NAALADL2: variants seen among roughly 807,000 people sequenced by gnomAD.
The protein encoded by NAALADL2 is N-acetylated alpha-linked acidic dipeptidase like 2.
In NAALADL2, 76 loss-of-function variants were observed where a neutral mutation model predicts 87.2. That is an observed-to-expected ratio of 0.87 (90% CI 0.72 to 1.05). The LOEUF (loss-of-function observed/expected upper bound fraction) is 1.05. NAALADL2 is among the 50% of genes least tolerant of loss of function. The pLI is 0.00. For missense variants in NAALADL2, 1,089 were observed against 945.8 expected, an observed-to-expected ratio of 1.15 and a Z score of -1.99; for synonymous variants, 354 against 331.0, an observed-to-expected ratio of 1.07 and a Z score of -0.75.
At chr3:175,267,242 A>T (rs950337173) in intron 4 of NAALADL2, among the ~76,000 whole-genome samples, 3 of 152,088 alleles carry the variant, frequency 2.0e-5, no homozygotes, top group Non-Finnish European at 2.9e-5. Context: ...CTTATTATGA[A>T]TCACTAAATA....
At chr3:174,832,125 T>C (rs1433981273) in intron 3 of NAALADL2, among the ~76,000 whole-genome samples, 1 of 152,138 alleles carries the variant, frequency 6.6e-6, no homozygotes, top group Non-Finnish European at 1.5e-5. Context: ...CTGCTCTGAT[T>C]TTAGTTATTT....
intron 2 of NAALADL2, among the ~76,000 whole-genome samples, chr3:174,702,553 G>C (rs1729657939): frequency 6.6e-6 from 1 of 152,154 alleles, no homozygotes; most frequent in Non-Finnish European, 1.5e-5. Flanking sequence ...AGGCAATTTT[G>C]TTATTATGCG....
chr3:175,532,575 G>A (rs1233842953), intron 9 of NAALADL2, among the ~76,000 whole-genome samples: 1 of 152,144 alleles, frequency 6.6e-6, no homozygotes, highest in East Asian at 1.9e-4. Context: ...GAATGCAGTA[G>A]GCTGCCTATC....
At chr3:175,560,274 A>G (rs1226964872) in intron 9 of NAALADL2, among the ~76,000 whole-genome samples, 2 of 151,988 alleles carry the variant, frequency 1.3e-5, no homozygotes, top group Non-Finnish European at 2.9e-5. Context: ...TATTAGTTAT[A>G]ATGTCTCCTT....
intron 3 of NAALADL2, among the ~76,000 whole-genome samples, chr3:174,822,068 G>A (rs1032720802): frequency 2.0e-5 from 3 of 152,214 alleles, no homozygotes; most frequent in Admixed American, 2.0e-4. Context: ...GAAGCATAGG[G>A]ATATCAAAGT....
chr3:175,193,595 C>G (rs554244295), intron 2 of NAALADL2, among the ~76,000 whole-genome samples: 2 of 151,870 alleles, frequency 1.3e-5, no homozygotes, highest in African/African-American at 4.8e-5. Context: ...CCCTCCCTAT[C>G]CTTACCCCAT....
chr3:174,478,479 CAG>C (rs770632627), intron 1 of NAALADL2, among the ~76,000 whole-genome samples: 56 of 151,788 alleles, frequency 3.7e-4, no homozygotes, highest in Admixed American at 6.6e-4. Context: ...GAAAATGAGT[CAG>C]TATTAGAAAT....
chr3:175,719,489 C>A (rs1277212183), intron 11 of NAALADL2, among the ~76,000 whole-genome samples: 1 of 152,044 alleles, frequency 6.6e-6, no homozygotes, highest in African/African-American at 2.4e-5. Flanking sequence ...AAGTTAGAAA[C>A]ATAAAGTAAA....
At chr3:175,328,951 T>G (rs955435000) in intron 5 of NAALADL2, among the ~76,000 whole-genome samples, 6 of 152,194 alleles carry the variant, frequency 3.9e-5, no homozygotes, top group Non-Finnish European at 7.4e-5. Flanking sequence ...TTCTCAGCAG[T>G]AAGATTGTCT....
At chr3:175,177,795 G>A (rs1320619656) in intron 2 of NAALADL2, among the ~76,000 whole-genome samples, 2 of 151,822 alleles carry the variant, frequency 1.3e-5, no homozygotes, top group Admixed American at 6.6e-5. Flanking sequence ...GGAAGCTGAA[G>A]CACGAATAAG....
At chr3:174,449,109 T>C (rs936475128) in intron 1 of NAALADL2, among the ~76,000 whole-genome samples, 1 of 152,144 alleles carries the variant, frequency 6.6e-6, no homozygotes, top group Non-Finnish European at 1.5e-5. Context: ...ATCAAGAACT[T>C]TGATAATTCG....
At chr3:175,230,094 G>T (rs902464783) in intron 2 of NAALADL2, among the ~76,000 whole-genome samples, 2 of 151,764 alleles carry the variant, frequency 1.3e-5, no homozygotes, top group Non-Finnish European at 2.9e-5. Context: ...TTTGACAAGG[G>T]GTACTAGGAC....
intron 11 of NAALADL2, among the ~76,000 whole-genome samples, chr3:175,730,243 T>G (rs991316005): frequency 6.6e-6 from 1 of 151,538 alleles, no homozygotes; most frequent in Non-Finnish European, 1.5e-5. Flanking sequence ...ATAATCTTTT[T>G]CTTTCTACAT....
At chr3:174,991,775 T>C (rs1443865551) in intron 1 of NAALADL2, among the ~76,000 whole-genome samples, 1 of 152,124 alleles carries the variant, frequency 6.6e-6, no homozygotes, top group Non-Finnish European at 1.5e-5. Flanking sequence ...TAGTATTATG[T>C]TTGAAAACAT....
Position 175,044,033 on chromosome 3 carries a change from T to C in NAALADL2, c.44-52757T>C, listed in dbSNP as rs922724448. 2.8e-4 allele frequency among the ~76,000 whole-genome samples: 43 copies of C among 152,180 alleles called. 1 individual carries two copies. Among genetic ancestry groups the C allele is most frequent in the Non-Finnish European group, 7.4e-5 (5 of 68,018 alleles). ...CATAGGATATCTTTTCATTTATTTA[T>C]GTCTTCTTCAATTTCTTTCATCAAT... is the stretch of plus-strand genomic sequence containing the variant. On this transcript the variant is annotated intron_variant, in intron 1 of 13. Coordinates refer to ENST00000454872, the MANE Select transcript of NAALADL2 (RefSeq NM_207015.3).
chr3:175,572,163 C>T (rs376006497), intron 9 of NAALADL2, among the ~76,000 whole-genome samples: 4 of 152,082 alleles, frequency 2.6e-5, no homozygotes, highest in African/African-American at 9.7e-5. Context: ...CTGAAGCCTC[C>T]ATCTTGGTTT....
At chr3:175,094,952 T>A (rs180814275) in intron 1 of NAALADL2, among the ~76,000 whole-genome samples, 144 of 152,202 alleles carry the variant, frequency 9.5e-4, no homozygotes, top group Middle Eastern at 3.4e-3. Flanking sequence ...AGGTTTACTA[T>A]GTGAATGCAT....
intron 1 of NAALADL2, among the ~76,000 whole-genome samples, chr3:174,880,219 G>A (rs2103063): frequency 0.33 from 50,722 of 151,752 alleles, 8,770 homozygotes; most frequent in African/African-American, 0.44. Flanking sequence ...ATCTACCTGG[G>A]TATGATTAAA....
intron 9 of NAALADL2, among the ~76,000 whole-genome samples, chr3:175,517,803 G>A (rs916580528): frequency 1.3e-5 from 2 of 152,084 alleles, no homozygotes; most frequent in Non-Finnish European, 2.9e-5. Context: ...ACACAAATGG[G>A]AATTCCAGCC....
Sources: allele counts gnomAD v4.1 joint callset (sites outside exome capture counted in the v4.1 genomes callset), GRCh38; gene constraint gnomAD v4.1.1; transcripts MANE v1.5; gene names NCBI Gene and HGNC (gene_info 2026-07-23, HGNC 2026-07-21).